Variants in FOXP1 observed in about 807,000 individuals in gnomAD.
The protein encoded by FOXP1 is forkhead box P1.
In FOXP1, 15 loss-of-function variants were observed where a neutral mutation model predicts 98.2. The ratio of observed to expected loss-of-function variants is 0.15; its 90% CI spans 0.10 to 0.24. The LOEUF (loss-of-function observed/expected upper bound fraction) is 0.24. Ranked by LOEUF, FOXP1 falls within the 10% of genes least tolerant of loss-of-function variation. The pLI is 1.00. For synonymous variants in FOXP1, 371 were observed against 314.5 expected (o/e 1.18, Z -1.90); for missense variants, 633 against 848.5 (o/e 0.75, Z 3.15).
At chr3:71,258,588 A>G (rs183121154) in intron 5 of FOXP1, among the ~76,000 whole-genome samples, 40 of 152,294 alleles carry the variant, frequency 2.6e-4, no homozygotes, top group African/African-American at 9.6e-4. Context: ...AGGCAATGCT[A>G]AGGAGCCAAG....
chr3:71,379,878 A>G (rs1217631517), intron 3 of FOXP1, among the ~76,000 whole-genome samples: 1 of 152,190 alleles, frequency 6.6e-6, no homozygotes, highest in African/African-American at 2.4e-5. Context: ...GCTTCATAGT[A>G]TTTACTTTAG....
intron 5 of FOXP1, among the ~76,000 whole-genome samples, chr3:71,248,390 G>A (rs2067916704): frequency 6.6e-6 from 1 of 152,004 alleles, no homozygotes; most frequent in Non-Finnish European, 1.5e-5. Flanking sequence ...AAGAAGTCAG[G>A]ACCCACAGTC....
intron 6 of FOXP1, among the ~76,000 whole-genome samples, chr3:71,121,384 G>C (rs946656215): frequency 4.0e-5 from 6 of 151,800 alleles, no homozygotes; most frequent in Non-Finnish European, 7.4e-5. Context: ...AAAAAAGGGG[G>C]GGGGGATATC....
intron 6 of FOXP1, among the ~76,000 whole-genome samples, chr3:71,176,940 G>T (rs2108255958): frequency 6.6e-6 from 1 of 152,076 alleles, no homozygotes; most frequent in African/African-American, 2.4e-5. Context: ...GTGGGCGCCT[G>T]TAGTCCCAGC....
intron 3 of FOXP1, among the ~76,000 whole-genome samples, chr3:71,405,774 G>A (rs112097490): frequency 0.043 from 6,572 of 151,926 alleles, 463 homozygotes; most frequent in African/African-American, 0.15. Context: ...TGTCACCCAG[G>A]CTGGAGTGCA....
intron 17 of FOXP1, among the ~76,000 whole-genome samples, chr3:70,972,983 T>C (rs2036597432): frequency 6.6e-6 from 1 of 152,254 alleles, no homozygotes; most frequent in South Asian, 2.1e-4. Context: ...AAAATGTTAC[T>C]GTGACTTCAA....
At chr3:71,083,785 C>A (rs1231878538) in intron 7 of FOXP1, among the ~76,000 whole-genome samples, 1 of 152,200 alleles carries the variant, frequency 6.6e-6, no homozygotes, top group Non-Finnish European at 1.5e-5. Context: ...CAGGCTAACC[C>A]TTGAACTTTT....
chr3:71,215,826 A>T (rs999071830), intron 5 of FOXP1, among the ~76,000 whole-genome samples: 3 of 152,238 alleles, frequency 2.0e-5, no homozygotes, highest in African/African-American at 7.2e-5. Flanking sequence ...GGAAAAATGC[A>T]GAGCAGGGCA....
rs899933260 is a variant in FOXP1, at chr3:71,481,396, C to A, written c.-168+12030G>T. Among the ~76,000 whole-genome samples the A allele has an allele frequency of 5.3e-5, 8 of 152,276 alleles. 1 individual carries two copies. Among genetic ancestry groups the A allele is most frequent in the African/African-American group, 1.9e-4 (8 of 41,558 alleles). On this transcript the variant is annotated intron_variant, in intron 3 of 20. Transcript: ENST00000649528. ...TGGCCAACATCCTGTATGCTTATTA[C>A]CACATGTAGATGTTCACTACATATC...
At chr3:71,527,723 A>C (rs1018003533) in intron 2 of FOXP1, among the ~76,000 whole-genome samples, 1 of 152,216 alleles carries the variant, frequency 6.6e-6, no homozygotes, top group Non-Finnish European at 1.5e-5. Context: ...AGGGGGGAAA[A>C]AACAAAGAGA....
intron 3 of FOXP1, among the ~76,000 whole-genome samples, chr3:71,369,620 C>G (rs973402872): frequency 6.6e-6 from 1 of 152,102 alleles, no homozygotes; most frequent in Admixed American, 6.5e-5. Flanking sequence ...GTCTTGAACT[C>G]CTAACCTCGT....
At chr3:71,284,484 G>A (rs2071900604) in intron 5 of FOXP1, among the ~76,000 whole-genome samples, 1 of 152,102 alleles carries the variant, frequency 6.6e-6, no homozygotes, top group African/African-American at 2.4e-5. Flanking sequence ...GATCACTTGA[G>A]CCTGAGAGAT....
At chr3:71,286,829 G>A (rs1004923026) in intron 5 of FOXP1, among the ~76,000 whole-genome samples, 5 of 152,198 alleles carry the variant, frequency 3.3e-5, no homozygotes, top group Non-Finnish European at 7.3e-5. Flanking sequence ...ATGATTTTAT[G>A]TGCCTGGAAT....
At position 71,409,797 on chromosome 3, in the gene FOXP1, T is replaced by C. The variant is rs147766566; in HGVS notation, c.-167-50553A>G. On this transcript the variant is annotated intron_variant, in intron 3 of 20. Coordinates refer to ENST00000649528, the MANE Select transcript of FOXP1 (RefSeq NM_001349338.3). ...GGGAGGCTGAGGCAGGCGAATCACT[T>C]GAGCCCAGGAGTTTGAGACCAGCCT... 6.9e-3 allele frequency among the ~76,000 whole-genome samples: 1,058 copies of C among 152,254 alleles called. 13 individuals carry two copies. Among genetic ancestry groups the C allele is most frequent in the African/African-American group, 0.024 (1,002 of 41,530 alleles).
chr3:71,403,868 C>T (rs555259605), intron 3 of FOXP1, among the ~76,000 whole-genome samples: 1 of 151,750 alleles, frequency 6.6e-6, no homozygotes, highest in East Asian at 1.9e-4. Context: ...GCAACAACAA[C>T]AAAAAAGTAA....
chr3:71,124,636 T>A (rs1181868902), intron 6 of FOXP1, among the ~76,000 whole-genome samples: 1 of 139,602 alleles, frequency 7.2e-6, no homozygotes, highest in Non-Finnish European at 1.5e-5. Context: ...GATCATAAAC[T>A]GTGTGTCAAA....
intron 3 of FOXP1, among the ~76,000 whole-genome samples, chr3:71,466,824 T>C (rs1286893890): frequency 6.6e-6 from 1 of 152,224 alleles, no homozygotes; most frequent in Non-Finnish European, 1.5e-5. Context: ...TAGTTCTACA[T>C]GAGAGACGCA....
At chr3:71,425,945 C>A (rs891732413) in intron 3 of FOXP1, among the ~76,000 whole-genome samples, 3 of 152,142 alleles carry the variant, frequency 2.0e-5, no homozygotes, top group Non-Finnish European at 2.9e-5. Flanking sequence ...AATAGTGTGG[C>A]CTGTTTAAGA....
chr3:71,076,010 G>A (rs1278664829), intron 7 of FOXP1, among the ~76,000 whole-genome samples: 3 of 152,184 alleles, frequency 2.0e-5, no homozygotes, highest in Admixed American at 6.5e-5. Flanking sequence ...GTGAGCCATT[G>A]TGCCAGGCCC....
Sources: gnomAD v4.1 joint callset for allele counts (sites outside exome capture counted in the v4.1 genomes callset) on GRCh38, gnomAD v4.1.1 for gene constraint, MANE v1.5 for transcripts, NCBI Gene and HGNC (gene_info 2026-07-23, HGNC 2026-07-21) for gene names.